Variants in MARS1 observed in about 807,000 individuals in gnomAD.
MARS1 encodes the protein methionine--tRNA ligase, cytoplasmic.
MARS1 carries 80 observed loss-of-function variants against 119.5 expected under a neutral mutation model. The observed-to-expected ratio is 0.67, with a 90% CI of 0.56 to 0.81. The LOEUF (loss-of-function observed/expected upper bound fraction) is 0.81. MARS1 is among the 30% of genes least tolerant of loss of function. MARS1 has a pLI of 0.00. For missense variants in MARS1, 945 were observed against 1,116.5 expected (o/e 0.85, Z 2.19); for synonymous variants, 418 against 433.4 (o/e 0.96, Z 0.44).
chr12:57,508,905 G>T (rs1364911169), intron 11 of MARS1, among the ~76,000 whole-genome samples: 5 of 152,114 alleles, frequency 3.3e-5, no homozygotes, highest in Non-Finnish European at 7.3e-5. Context: ...TTTGCTCTTC[G>T]TGAACAAAAT....
At position 57,498,259 on chromosome 12, in the gene MARS1, C is replaced by T. The variant is rs79531790; in HGVS notation, c.873C>T (p.Ala291=). ...LGNIIGCVLS[A]DVFARYSRLR... ...ACATCATTGGTTGTGTGCTCAGTGC[C>T]GATGTCTTTGCCAGGTGGAGCCAGC... The change falls in exon 8 of 21, where the codon GCC becomes GCT. Residue 291 remains alanine (A), a synonymous_variant. Coordinates refer to ENST00000262027, the MANE Select transcript of MARS1 (RefSeq NM_004990.4). The T allele has an allele frequency of 1.0e-3, 1,666 of 1,614,024 alleles. 15 individuals carry two copies. The African/African-American group carries it at 0.019, about 18-fold the overall frequency.
intron 15 of MARS1, among the ~76,000 whole-genome samples, chr12:57,513,891 C>T (rs1206753076): frequency 2.0e-5 from 3 of 149,578 alleles, no homozygotes; most frequent in Non-Finnish European, 4.5e-5. Context: ...GGTGAAACCC[C>T]GTCTCCACTA....
intron 18 of MARS1, chr12:57,515,579 A>T (rs1245185002): frequency 1.7e-6 from 1 of 583,462 alleles, no homozygotes; most frequent in Non-Finnish European, 3.0e-6. Flanking sequence ...TTGAAGAAAC[A>T]CTGTGATCAC....
intron 12 of MARS1, 42 bp from the exon 13 acceptor site, chr12:57,511,966 T>C (rs1877543224): frequency 1.9e-6 from 3 of 1,606,698 alleles, no homozygotes; most frequent in African/African-American, 1.3e-5. Flanking sequence ...GTTTGAGACT[T>C]TGGATTGGTC....
At chr12:57,502,424 G>C (rs1400450968) in intron 10 of MARS1, among the ~76,000 whole-genome samples, 1 of 151,944 alleles carries the variant, frequency 6.6e-6, no homozygotes, top group East Asian at 1.9e-4. Flanking sequence ...AACTCACTTG[G>C]GGCCAGGTGT....
At chr12:57,493,797 T>TATATATC (rs1876359543) in intron 7 of MARS1, among the ~76,000 whole-genome samples, 1 of 1,026 alleles carries the variant, frequency 9.7e-4, no homozygotes, top group African/African-American at 1.6e-3. Context: ...TATTATATAT[T>TATATATC]ATATTATATA....
intron 6 of MARS1, 45 bp from the exon 7 acceptor site, chr12:57,490,493 G>C: frequency 6.2e-7 from 1 of 1,611,600 alleles, no homozygotes; most frequent in South Asian, 1.1e-5. Context: ...TCTTTACCCT[G>C]TGGGCCCTCC....
intron 11 of MARS1, among the ~76,000 whole-genome samples, chr12:57,509,285 T>C (rs2140030897): frequency 6.6e-6 from 1 of 152,316 alleles, no homozygotes; most frequent in Admixed American, 6.5e-5. Flanking sequence ...GTCACCAACC[T>C]TGAGTTTAAT....
chr12:57,490,783 T>C (rs1875891945), intron 7 of MARS1, 139 bp downstream of exon 7: 5 of 404,536 alleles, frequency 1.2e-5, no homozygotes, highest in South Asian at 3.9e-5. Flanking sequence ...TACATCTCTT[T>C]TTTTTTTTTT....
intron 10 of MARS1, among the ~76,000 whole-genome samples, chr12:57,501,998 C>G (rs1405399766): frequency 6.6e-6 from 1 of 150,472 alleles, no homozygotes; most frequent in Non-Finnish European, 1.5e-5. Flanking sequence ...TCCCCCTCCA[C>G]CAAAAAAAAA....
At position 57,515,232 on chromosome 12, in the gene MARS1, G is replaced by T; in HGVS notation, c.2287G>T (p.Val763Phe). ...CATGCTTCAGCCTTACATGCCCACGGTTAGTGCCACAATCCAGGCCCAGCT... is the reference window on the plus strand; with the variant it reads ...CATGCTTCAGCCTTACATGCCCACGTTTAGTGCCACAATCCAGGCCCAGCT... ...SVMLQPYMPT[V>F]SATIQAQLQL... The change falls in exon 18 of 21, where the codon GTT (valine) becomes TTT (phenylalanine). Residue 763 changes from valine (V) to phenylalanine (F), a missense_variant. Coordinates refer to ENST00000262027, the MANE Select transcript of MARS1 (RefSeq NM_004990.4). The T allele has an allele frequency of 6.2e-7, 1 of 1,614,106 alleles. No individual in the cohort carries two copies. The highest frequency in any genetic ancestry group is 8.5e-7 in the Non-Finnish European group (1 of 1,180,024).
In MARS1 at chr12:57,488,847, C is replaced by T. The variant is rs151119487; in HGVS notation, c.110-172C>T. 3.0e-4 allele frequency: 230 copies of T among 756,020 alleles called. 1 individual carries two copies. Among genetic ancestry groups the T allele is most frequent in the Admixed American group, 1.3e-3 (51 of 40,322 alleles). 46.8% of individuals were successfully genotyped at this position (756,020 alleles called of 1,614,324 possible). ...TTCAGCTGAACACCTGCTGGCCTCT[C>T]CAGCCCATTCCGGACCACCCCCTTT... On this transcript the variant is annotated intron_variant, in intron 1 of 20. Coordinates refer to ENST00000262027, the MANE Select transcript of MARS1 (RefSeq NM_004990.4).
At chr12:57,493,808 ATGTATATTATATATATTATATTATATAT>A (rs1594813955) in intron 7 of MARS1, among the ~76,000 whole-genome samples, 1 of 1,142 alleles carries the variant, frequency 8.8e-4, no homozygotes, top group Non-Finnish European at 1.7e-3. Flanking sequence ...ATATTATATA[ATGTATATTATATATATTATATTATATAT>A]TATAATATAT....
chr12:57,504,305 T>A lies in MARS1; in HGVS notation c.1368+6T>A. Reference sequence around the variant, plus strand: ...TGTTTCTGGACCTGCCTAAGGTAAGTGAGCTTTTCTCTCAACCTAGTTTTC... The same window carrying A: ...TGTTTCTGGACCTGCCTAAGGTAAGAGAGCTTTTCTCTCAACCTAGTTTTC... On this transcript the variant is annotated splice_donor_region_variant and intron_variant, in intron 11 of 20. Coordinates refer to ENST00000262027, the MANE Select transcript of MARS1 (RefSeq NM_004990.4). 1 of 1,613,552 alleles carries A rather than the reference T, an allele frequency of 6.2e-7. No individual in the cohort carries two copies. Among genetic ancestry groups the A allele is most frequent in the Non-Finnish European group, 8.5e-7 (1 of 1,179,414 alleles).
intron 15 of MARS1, among the ~76,000 whole-genome samples, chr12:57,514,410 C>G (rs1189495798): frequency 6.6e-6 from 1 of 152,134 alleles, no homozygotes; most frequent in Non-Finnish European, 1.5e-5. Flanking sequence ...ATCTGCCCAC[C>G]TCGGCCTCCC....
chr12:57,511,973 G>A lies in MARS1; in HGVS notation c.1540-35G>A, dbSNP rs1214767504. ...TTGTTTCAGTTTGAGACTTTGGATTGGTCCCTAACATGTTTACCTCCTTCT... is the reference window on the plus strand; with the variant it reads ...TTGTTTCAGTTTGAGACTTTGGATTAGTCCCTAACATGTTTACCTCCTTCT... On this transcript the variant is annotated intron_variant, in intron 12 of 20. Coordinates refer to ENST00000262027, the MANE Select transcript of MARS1 (RefSeq NM_004990.4). 6.8e-6 allele frequency: 11 copies of A among 1,605,926 alleles called. No individual in the cohort carries two copies. The African/African-American group carries it at 8.0e-5, about 12-fold the overall frequency.
chr12:57,507,593 G>A (rs1420343494), intron 11 of MARS1, among the ~76,000 whole-genome samples: 2 of 143,256 alleles, frequency 1.4e-5, no homozygotes, highest in Non-Finnish European at 3.1e-5. Flanking sequence ...CGGACGGGGC[G>A]GCTGGCCGGG....
At chr12:57,490,760 T>C in intron 7 of MARS1, 116 bp downstream of exon 7, 1 of 594,024 alleles carries the variant, frequency 1.7e-6, no homozygotes, top group Non-Finnish European at 2.9e-6. Flanking sequence ...TTTCATCCTC[T>C]CCTTTTAATT....
chr12:57,489,470 A>AG lies in MARS1; in HGVS notation c.331dup (p.Glu111GlyfsTer15). The AG allele has an allele frequency of 1.2e-6, 2 of 1,614,170 alleles. No homozygotes were observed. The highest frequency in any genetic ancestry group is 2.2e-5 in the South Asian group (2 of 91,078). On this transcript the variant is annotated frameshift_variant, in exon 4 of 21. Transcript: ENST00000262027. LOFTEE classifies it high-confidence loss of function. ...TACTATTTAGTGGTCCAAGGCAAGA[A>AG]GGGGGAAGATGTTCTTGGTTCAGTG...
Sources: allele counts gnomAD v4.1 joint callset (sites outside exome capture counted in the v4.1 genomes callset), GRCh38; gene constraint gnomAD v4.1.1; transcripts MANE v1.5; gene names NCBI Gene and HGNC (gene_info 2026-07-23, HGNC 2026-07-21).